The following TG variants were observed in gnomAD, a reference collection of about 807,000 sequenced individuals.
TG encodes the protein thyroglobulin.
In TG, 270 loss-of-function variants were observed where a neutral mutation model predicts 324.7. That is an observed-to-expected ratio of 0.83 (90% CI 0.75 to 0.92). The LOEUF (loss-of-function observed/expected upper bound fraction) is 0.92, where lower values mean the gene tolerates loss of function less well. TG is among the 40% of genes least tolerant of loss of function. The probability of loss-of-function intolerance (pLI) is 0.00; values close to 1 mark genes in which losing one functional copy is unlikely to be tolerated. For missense variants in TG, 3,591 were observed against 3,456.4 expected (o/e 1.04, Z -0.98); for synonymous variants, 1,401 against 1,327.0 (o/e 1.06, Z -1.21).
intron 40 of TG, among the ~76,000 whole-genome samples, chr8:133,028,049 C>T (rs1379530988): frequency 1.3e-5 from 2 of 152,232 alleles, no homozygotes; most frequent in African/African-American, 4.8e-5. Context: ...CACATGCTCA[C>T]CTCTGACCTC....
intron 35 of TG, chr8:132,995,268 T>G (rs1458599553): frequency 2.0e-6 from 2 of 978,704 alleles, no homozygotes; most frequent in African/African-American, 3.5e-5. Flanking sequence ...TAAAGTCCTA[T>G]GTGTAACATG....
chr8:132,874,554 A>G (rs368852233), intron 5 of TG, among the ~76,000 whole-genome samples: 1 of 152,214 alleles, frequency 6.6e-6, no homozygotes, highest in Non-Finnish European at 1.5e-5. Context: ...TTCCAAAACA[A>G]CCAGTTTCTT....
chr8:133,061,522 T>A (rs1234352670), intron 41 of TG, among the ~76,000 whole-genome samples: 1 of 152,192 alleles, frequency 6.6e-6, no homozygotes, highest in Non-Finnish European at 1.5e-5. Context: ...GGGACATAGA[T>A]TATCAGAGAA....
At chr8:133,087,684 A>C (rs1479564085) in intron 41 of TG, 2 of 152,238 alleles carry the variant, frequency 1.3e-5, no homozygotes, top group Non-Finnish European at 2.9e-5. Flanking sequence ...AAAAAGTATA[A>C]AAAGCCAATA....
chr8:132,942,562 A>G (rs897594629), intron 26 of TG, among the ~76,000 whole-genome samples: 1 of 152,224 alleles, frequency 6.6e-6, no homozygotes, highest in African/African-American at 2.4e-5. Context: ...TGTTCTAGGC[A>G]TTACAAACAG....
chr8:132,905,708 C>A (rs1463801150), intron 16 of TG, among the ~76,000 whole-genome samples: 1 of 152,088 alleles, frequency 6.6e-6, no homozygotes, highest in African/African-American at 2.4e-5. Flanking sequence ...GGACTCAACC[C>A]AGTGGGGTGA....
At chr8:133,081,890 A>G (rs914165738) in intron 41 of TG, among the ~76,000 whole-genome samples, 3 of 152,220 alleles carry the variant, frequency 2.0e-5, no homozygotes, top group Non-Finnish European at 4.4e-5. Context: ...ACGGATTGTC[A>G]CACAGGCCCC....
chr8:133,122,743 T>C (rs368667604), intron 45 of TG, among the ~76,000 whole-genome samples: 2 of 152,096 alleles, frequency 1.3e-5, no homozygotes, highest in African/African-American at 4.8e-5. Flanking sequence ...TGCGTGTGAG[T>C]GTATGCATGT....
intron 41 of TG, chr8:133,076,044 T>C (rs985184845): frequency 1.3e-5 from 2 of 152,176 alleles, no homozygotes; most frequent in African/African-American, 4.8e-5. Flanking sequence ...CTCAGGCACA[T>C]GGGGCTTCAG....
At chr8:132,898,714 C>T in intron 13 of TG, 84 bp from the exon 14 acceptor site, 1 of 1,173,860 alleles carries the variant, frequency 8.5e-7, no homozygotes, top group South Asian at 1.2e-5. Flanking sequence ...GGCTCATGAC[C>T]CTTAAAGGTG....
At chr8:133,020,263 C>T (rs1251194773) in intron 39 of TG, among the ~76,000 whole-genome samples, 2 of 152,146 alleles carry the variant, frequency 1.3e-5, no homozygotes, top group Non-Finnish European at 2.9e-5. Flanking sequence ...TTGGGCTGTC[C>T]GGGCCCCATC....
intron 11 of TG, among the ~76,000 whole-genome samples, chr8:132,896,088 G>A (rs1817058272): frequency 1.3e-5 from 2 of 152,264 alleles, no homozygotes; most frequent in African/African-American, 2.4e-5. Flanking sequence ...GGCCATGGGA[G>A]GAAATGCACA....
Position 132,929,234 on chromosome 8 carries a change from G to A in TG, c.4816+42G>A, listed in dbSNP as rs1216613622. The A allele has an allele frequency of 2.0e-6, 3 of 1,481,338 alleles. No homozygotes were observed. The African/African-American group carries it at 4.1e-5, about 20-fold the overall frequency. 91.8% of individuals were successfully genotyped at this position (1,481,338 alleles called of 1,614,324 possible). On this transcript the variant is annotated intron_variant, in intron 23 of 47. Transcript: ENST00000220616. ...AGATATGCACTCAGAAGAAGGTGTG[G>A]AAATAAGCTCTGCTGAGAGTTGTCG...
rs1472493497 is a variant in TG, at chr8:132,901,638, AAGGCAGGGGTGGGAGGGG to A, written c.3634+93_3634+110del. On this transcript the variant is annotated intron_variant, in intron 16 of 47. Transcript: ENST00000220616. ...TGGGTGAAGTACTAGAGAAGCTGGG[AAGGCAGGGGTGGGAGGGG>A]AGGCAGGAAGTGCAGGAGGGATGTA... The A allele has an allele frequency of 7.5e-6, 11 of 1,465,492 alleles. No individual in the cohort carries two copies. In the Admixed American group the frequency reaches 2.3e-4, roughly 30 times the overall value. The allele number at this position is 1,465,492 out of a possible 1,614,324, so 90.8% of individuals were successfully genotyped here.
chr8:132,897,780 G>A lies in TG; in HGVS notation c.3133G>A (p.Gly1045Arg), dbSNP rs1320164743. ...TTGGGAGCCTGTGCAGTGCCACGCTGGGACTGGTAAGGAGGGATAGGCACC... is the reference window on the plus strand; with the variant it reads ...TTGGGAGCCTGTGCAGTGCCACGCTAGGACTGGTAAGGAGGGATAGGCACC... ...GSWEPVQCHA[G>R]TGHCWCVDEK... Residue 1045 changes from glycine to arginine, a missense_variant, in exon 12 of 48, where the codon GGG becomes AGG. By Grantham distance (125) the Gly-to-Arg change is moderately radical. Coordinates refer to ENST00000220616, the MANE Select transcript of TG (RefSeq NM_003235.5). 1.9e-6 allele frequency: 3 copies of A among 1,614,074 alleles called. No homozygotes were observed. The highest frequency in any genetic ancestry group is 1.3e-5 in the African/African-American group (1 of 74,944).
At chr8:132,897,548 GC>G (rs1817290721) in intron 11 of TG, 100 bp from the exon 12 acceptor site, 5 of 1,481,766 alleles carry the variant, frequency 3.4e-6, no homozygotes, top group Non-Finnish European at 4.7e-6. Context: ...AAATAAGAAG[GC>G]CTCCTTATGT....
chr8:132,913,204 G>C lies in TG; in HGVS notation c.4317G>C (p.Gly1439=), dbSNP rs757319775. The change falls in exon 20 of 48, where the codon GGG becomes GGC. Residue 1439 remains glycine (G), a synonymous_variant. Coordinates refer to ENST00000220616, the MANE Select transcript of TG (RefSeq NM_003235.5). ...GCACCTCTCCCAGGACATGGTTTGGGTGCTCGGAAGGATTCTACCAAGTCT... is the reference window on the plus strand; with the variant it reads ...GCACCTCTCCCAGGACATGGTTTGGCTGCTCGGAAGGATTCTACCAAGTCT... ...HFGTSPRTWF[G]CSEGFYQVLT... The C allele has an allele frequency of 6.2e-7, 1 of 1,614,188 alleles. No individual in the cohort carries two copies. The highest frequency in any genetic ancestry group is 1.1e-5 in the South Asian group (1 of 91,082).
intron 41 of TG, chr8:133,045,127 G>T (rs749173139): frequency 1.9e-6 from 3 of 1,613,916 alleles, no homozygotes; most frequent in Non-Finnish European, 2.5e-6. Flanking sequence ...TGCAGGAGGT[G>T]GAGGATAAGT....
intron 41 of TG, among the ~76,000 whole-genome samples, chr8:133,093,227 G>A (rs1420624015): frequency 1.3e-5 from 2 of 151,988 alleles, no homozygotes; most frequent in Non-Finnish European, 2.9e-5. Flanking sequence ...GAGGGCACAA[G>A]AACTCAACAA....
Sources: allele counts gnomAD v4.1 joint callset (sites outside exome capture counted in the v4.1 genomes callset), GRCh38; gene constraint gnomAD v4.1.1; transcripts MANE v1.5; gene names NCBI Gene and HGNC (gene_info 2026-07-23, HGNC 2026-07-21).